Variants in GALNTL6 observed in about 807,000 individuals in gnomAD.
GALNTL6 encodes the protein polypeptide N-acetylgalactosaminyltransferase like 6.
GALNTL6 carries 46 observed loss-of-function variants against 73.7 expected under a neutral mutation model. The observed-to-expected ratio is 0.62, with a 90% CI of 0.49 to 0.80. GALNTL6 has a LOEUF of 0.80. Among genes scored for constraint, GALNTL6 ranks in the 30% least tolerant of loss-of-function variants. GALNTL6 has a pLI of 0.00. For missense variants in GALNTL6, 604 were observed against 755.0 expected, an observed-to-expected ratio of 0.80 and a Z score of 2.34; for synonymous variants, 259 against 263.7, an observed-to-expected ratio of 0.98 and a Z score of 0.17.
At chr4:172,646,886 C>G (rs1347693585) in intron 5 of GALNTL6, among the ~76,000 whole-genome samples, 1 of 151,970 alleles carries the variant, frequency 6.6e-6, no homozygotes, top group African/African-American at 2.4e-5. Context: ...CAATACAAAT[C>G]TTGACATTAG....
chr4:172,042,035 T>C (rs1742100452), intron 2 of GALNTL6, among the ~76,000 whole-genome samples: 2 of 152,062 alleles, frequency 1.3e-5, no homozygotes, highest in African/African-American at 4.8e-5. Context: ...AGGTCATGTG[T>C]AGAAAGCAAG....
chr4:171,839,101 G>C (rs1055112508), intron 2 of GALNTL6, among the ~76,000 whole-genome samples: 3 of 151,948 alleles, frequency 2.0e-5, no homozygotes, highest in Non-Finnish European at 4.4e-5. Context: ...GATAACATAG[G>C]TTATAGAAAG....
intron 7 of GALNTL6, among the ~76,000 whole-genome samples, chr4:172,849,195 T>C (rs949168072): frequency 6.6e-6 from 1 of 152,188 alleles, no homozygotes. Context: ...AATATAATCC[T>C]CTTTTTGTAA....
intron 2 of GALNTL6, among the ~76,000 whole-genome samples, chr4:171,883,587 A>C (rs1279479628): frequency 1.3e-5 from 2 of 151,876 alleles, no homozygotes; most frequent in African/African-American, 4.8e-5. Flanking sequence ...TCTGAAACAC[A>C]AGACTGAAAA....
chr4:172,295,291 T>C (rs1739627219), intron 3 of GALNTL6, among the ~76,000 whole-genome samples: 1 of 151,876 alleles, frequency 6.6e-6, no homozygotes, highest in Non-Finnish European at 1.5e-5. Flanking sequence ...GCATGGTAGC[T>C]GATGCCTGTA....
chr4:172,098,463 CA>C (rs1377160296), intron 2 of GALNTL6, among the ~76,000 whole-genome samples: 1 of 151,922 alleles, frequency 6.6e-6, no homozygotes, highest in Admixed American at 6.6e-5. Flanking sequence ...CAAACTGTTG[CA>C]AAATAATATT....
At chr4:172,619,264 G>T (rs1340613693) in intron 5 of GALNTL6, among the ~76,000 whole-genome samples, 1 of 152,064 alleles carries the variant, frequency 6.6e-6, no homozygotes, top group Non-Finnish European at 1.5e-5. Context: ...ATGCCAGATC[G>T]ACAGCCAATC....
chr4:172,798,332 T>G (rs1740398669), intron 5 of GALNTL6, among the ~76,000 whole-genome samples: 1 of 152,180 alleles, frequency 6.6e-6, no homozygotes, highest in African/African-American at 2.4e-5. Context: ...GACTGAATCT[T>G]AGAGGTGGAT....
chr4:172,020,736 G>A (rs1741371769), intron 2 of GALNTL6, among the ~76,000 whole-genome samples: 1 of 151,882 alleles, frequency 6.6e-6, no homozygotes, highest in Non-Finnish European at 1.5e-5. Context: ...AACATTTACA[G>A]AACTAATACC....
At chr4:172,031,943 T>A (rs141679783) in intron 2 of GALNTL6, among the ~76,000 whole-genome samples, 3 of 152,034 alleles carry the variant, frequency 2.0e-5, no homozygotes, top group African/African-American at 7.2e-5. Flanking sequence ...TCATTTAAGG[T>A]TATAGCCCCA....
chr4:172,433,630 C>T (rs1220743503), intron 5 of GALNTL6, among the ~76,000 whole-genome samples: 4 of 152,130 alleles, frequency 2.6e-5, no homozygotes, highest in African/African-American at 4.8e-5. Context: ...TTAAGATCTT[C>T]TTTAGTGCTT....
chr4:172,286,314 G>C (rs1404744136), intron 3 of GALNTL6, among the ~76,000 whole-genome samples: 1 of 152,094 alleles, frequency 6.6e-6, no homozygotes, highest in Non-Finnish European at 1.5e-5. Flanking sequence ...TGATGAACGA[G>C]GTCTTTATCC....
intron 2 of GALNTL6, among the ~76,000 whole-genome samples, chr4:172,087,313 TGGGC>T (rs1560917559): frequency 1.3e-5 from 2 of 149,262 alleles, no homozygotes; most frequent in African/African-American, 4.9e-5. Context: ...GGCGTGGGGG[TGGGC>T]GCCTGTAGTC....
chr4:172,305,089 A>G (rs1018688243), intron 3 of GALNTL6, among the ~76,000 whole-genome samples: 1 of 152,120 alleles, frequency 6.6e-6, no homozygotes, highest in Non-Finnish European at 1.5e-5. Flanking sequence ...TAGGGGTTAT[A>G]CTATCCATAT....
intron 5 of GALNTL6, among the ~76,000 whole-genome samples, chr4:172,697,314 T>C (rs139782952): frequency 6.6e-6 from 1 of 152,312 alleles, no homozygotes; most frequent in East Asian, 1.9e-4. Context: ...GCATCCCTGC[T>C]CATCACACCC....
At chr4:172,662,920 G>A (rs1050021036) in intron 5 of GALNTL6, among the ~76,000 whole-genome samples, 9 of 152,220 alleles carry the variant, frequency 5.9e-5, no homozygotes, top group African/African-American at 2.2e-4. Context: ...TCTCCAAGGA[G>A]CTGATATGTG....
In GALNTL6 at chr4:171,905,284, A is replaced by T. The variant is rs548101272; in HGVS notation, c.138+90566A>T. ...GCAGAGACACACATAGGCTCAAAAT[A>T]AAAGGATGGAGGAAGATCTACCAAG... On this transcript the variant is annotated intron_variant, in intron 2 of 12. Transcript: ENST00000506823. Among the ~76,000 whole-genome samples the T allele has an allele frequency of 3.3e-5, 5 of 152,190 alleles. No homozygotes were observed. The South Asian group carries it at 1.0e-3, about 32-fold the overall frequency.
chr4:172,273,969 A>G (rs1579321870), intron 3 of GALNTL6, among the ~76,000 whole-genome samples: 1 of 152,324 alleles, frequency 6.6e-6, no homozygotes, highest in Middle Eastern at 3.4e-3. Context: ...TACTTCTTTT[A>G]TCCATAATTC....
In GALNTL6 at chr4:172,949,631, G is replaced by A. The variant is rs534850406; in HGVS notation, c.1150-2406G>A. Among the ~76,000 whole-genome samples, 39 of 151,982 alleles carry A rather than the reference G, an allele frequency of 2.6e-4. No homozygotes were observed. In the South Asian group the frequency reaches 7.5e-3, roughly 29 times the overall value. Reference sequence around the variant, plus strand: ...TCCTCATTAAAAAATTTGGCCTAGCGGGGTGCGCTGGCTCACAGCTGTAAT... The same window carrying A: ...TCCTCATTAAAAAATTTGGCCTAGCAGGGTGCGCTGGCTCACAGCTGTAAT... On this transcript the variant is annotated intron_variant, in intron 9 of 12. Transcript: ENST00000506823.
Sources: allele counts gnomAD v4.1 joint callset (sites outside exome capture counted in the v4.1 genomes callset), GRCh38; gene constraint gnomAD v4.1.1; transcripts MANE v1.5; gene names NCBI Gene and HGNC (gene_info 2026-07-23, HGNC 2026-07-21).